The following FAM90A1 variants were observed in gnomAD, a reference collection of about 807,000 sequenced individuals.
FAM90A1 encodes the protein protein FAM90A1.
A neutral mutation model predicts 14.8 loss-of-function variants in FAM90A1; 10 were observed. The observed-to-expected ratio is 0.67, with a 90% CI of 0.42 to 1.14. The LOEUF is 1.14. Ranked by LOEUF, FAM90A1 falls within the 50% of genes most tolerant of loss-of-function variation. The pLI is 0.00. For synonymous variants in FAM90A1, 236 were observed against 248.4 expected (o/e 0.95, Z 0.47); for missense variants, 567 against 602.8 (o/e 0.94, Z 0.62).
At chr12:8,223,967 C>G in intron 5 of FAM90A1, 49 bp downstream of exon 5, 1 of 1,557,454 alleles carries the variant, frequency 6.4e-7, no homozygotes, top group Non-Finnish European at 8.8e-7. Context: ...ACACCATGTC[C>G]TTAGGAGGCA....
rs1423458373 is a variant in FAM90A1, at chr12:8,222,444, G to C, written c.773C>G (p.Ala258Gly). Reference protein sequence around the residue: ...HGLLQAVSPQAQDKRPAVTSQ... With the variant: ...HGLLQAVSPQGQDKRPAVTSQ... ...GGTCACCGCAGGACGTTTGTCTTGTGCCTGGGGGCTGACGGCCTGGAGCAG... is the reference window on the plus strand; with the variant it reads ...GGTCACCGCAGGACGTTTGTCTTGTCCCTGGGGGCTGACGGCCTGGAGCAG... Residue 258 changes from alanine to glycine, a missense_variant, in exon 7 of 7, where the codon GCA (alanine) becomes GGA (glycine). Ala to Gly is a moderately conservative substitution (Grantham distance 60). Transcript: ENST00000538603. The C allele has an allele frequency of 1.3e-6, 2 of 1,597,322 alleles. No homozygotes were observed. The highest frequency in any genetic ancestry group is 1.7e-6 in the Non-Finnish European group (2 of 1,170,448).
rs1175661631 is a variant in FAM90A1, at chr12:8,226,286, A to G, written c.-228T>C. Reference sequence around the variant, plus strand: ...AAAATAGACACCTTTTAATTGGACCATATTTACTCTATCTCGACGTAGGCC... The same window carrying G: ...AAAATAGACACCTTTTAATTGGACCGTATTTACTCTATCTCGACGTAGGCC... On this transcript the variant is annotated 5_prime_UTR_variant, in exon 2 of 7. The change abolishes an upstream ATG in the 5' untranslated region. Transcript: ENST00000538603. 1.3e-5 allele frequency: 2 copies of G among 152,170 alleles called. No homozygotes were observed. The highest frequency in any genetic ancestry group is 3.8e-4 in the East Asian group (2 of 5,200). 9.4% of individuals were successfully genotyped at this position (152,170 alleles called of 1,614,324 possible). A position where few individuals can be genotyped will look rare whatever the true frequency, so the allele number is the denominator to read the frequency against.
chr12:8,224,443 G>A (rs1245500898), intron 4 of FAM90A1, among the ~76,000 whole-genome samples: 1 of 133,188 alleles, frequency 7.5e-6, no homozygotes, highest in Non-Finnish European at 1.8e-5. Context: ...TAAGGGGCAC[G>A]ATGGTGAACC....
rs1051511611 is a variant in FAM90A1, at chr12:8,221,496, C to T, written c.*326G>A. The T allele has an allele frequency of 2.3e-6, 1 of 437,458 alleles. No homozygotes were observed. The highest frequency in any genetic ancestry group is 2.1e-5 in the African/African-American group (1 of 48,768). 27.1% of individuals were successfully genotyped at this position (437,458 alleles called of 1,614,324 possible). On this transcript the variant is annotated 3_prime_UTR_variant, in exon 7 of 7. Transcript: ENST00000538603. ...CTAGAGAGCAAATACACAGTAATTC[C>T]CCCGTTTCCTATTGACGTCCCAGCG...
intron 1 of FAM90A1, 40 bp from the exon 2 acceptor site, chr12:8,226,518 C>G (rs138276452): frequency 6.2e-6 from 1 of 160,772 alleles, no homozygotes; most frequent in African/African-American, 2.4e-5. Context: ...CCGCTTTGTC[C>G]TTCAGTGCCT....
At position 8,222,575 on chromosome 12, in the gene FAM90A1, T is replaced by G. The variant is rs201241224; in HGVS notation, c.642A>C (p.Ala214=). The G allele has an allele frequency of 0.018, 28,700 of 1,609,490 alleles. 265 individuals carry two copies. The highest frequency in any genetic ancestry group is 0.036 in the African/African-American group (2,681 of 74,948). The change falls in exon 7 of 7, where the codon GCA becomes GCC. Residue 214 remains alanine, a synonymous_variant. Coordinates refer to ENST00000538603, the MANE Select transcript of FAM90A1 (RefSeq NM_018088.3). ...GAGGCTCGGGGCCCTGGTGCCTGAC[T>G]GCAGTCTGAGGGATGTCGGCCGCAG... is the stretch of plus-strand genomic sequence containing the variant. ...TGAAADIPQT[A]VRHQGPEPLL...
In FAM90A1 at chr12:8,222,476, G is replaced by T. The variant is rs1249701017; in HGVS notation, c.741C>A (p.Thr247=). ...CREVPQAASK[T]HGLLQAVSPQ... is the part of the protein sequence containing the mutation. Reference sequence around the variant, plus strand: ...GGCTGACGGCCTGGAGCAGGCCGTGGGTTTTGGAGGCAGCCTGGGGAACTT... The same window carrying T: ...GGCTGACGGCCTGGAGCAGGCCGTGTGTTTTGGAGGCAGCCTGGGGAACTT... Residue 247 remains threonine (T), a synonymous_variant, in exon 7 of 7, where the codon ACC becomes ACA. Coordinates refer to ENST00000538603, the MANE Select transcript of FAM90A1 (RefSeq NM_018088.3). 1.2e-6 allele frequency: 2 copies of T among 1,605,940 alleles called. No homozygotes were observed. Among genetic ancestry groups the T allele is most frequent in the Non-Finnish European group, 1.7e-6 (2 of 1,175,252 alleles).
At position 8,222,027 on chromosome 12, in the gene FAM90A1, C is replaced by G; in HGVS notation, c.1190G>C (p.Arg397Pro). 1 of 1,601,850 alleles carries G rather than the reference C, an allele frequency of 6.2e-7. No homozygotes were observed. ...DGAQPLRVLF[R>P]RLENGRWSSS... ...GCTCCAGCGTCCGTTTTCCAGTCTC[C>G]GAAAGAGCACTCTGAGAGGCTGGGC... Residue 397 changes from arginine to proline, a missense_variant, in exon 7 of 7, where the codon CGG becomes CCG. Coordinates refer to ENST00000538603, the MANE Select transcript of FAM90A1 (RefSeq NM_018088.3).
rs145457132 is a variant in FAM90A1 at position 8,224,169 on chromosome 12, G to C, written c.170C>G (p.Thr57Ser). The change falls in exon 5 of 7, where the codon ACC becomes AGC. Residue 57 changes from threonine to serine, a missense_variant. By Grantham distance (58) the Thr-to-Ser change is moderately conservative. Coordinates refer to ENST00000538603, the MANE Select transcript of FAM90A1 (RefSeq NM_018088.3). ...CEAFGHTARSTRCPMKCWKAA... is the reference protein window; with the variant it reads ...CEAFGHTARSSRCPMKCWKAA... ...CTTCCAGCACTTCATGGGGCACCTG[G>C]TACTTCTGGCCGTGTGGCCAAAGGC... is the stretch of plus-strand genomic sequence containing the variant. 86 of 1,612,028 alleles carry C rather than the reference G, an allele frequency of 5.3e-5. No homozygotes were observed. The African/African-American group carries it at 9.5e-4, about 18-fold the overall frequency.
chr12:8,227,571 G>A lies in FAM90A1; in HGVS notation c.-512C>T, dbSNP rs1948968886. The stretch of plus-strand genomic sequence containing the variant: ...TGCACACATCCCTGCAGGTCTCGGG[G>A]CTCCTGGGTTGCTTCTGGAAGGGCC... On this transcript the variant is annotated 5_prime_UTR_variant, in exon 1 of 7. Transcript: ENST00000538603. The A allele has an allele frequency of 1.5e-6, 2 of 1,335,708 alleles. No homozygotes were observed. The highest frequency in any genetic ancestry group is 1.5e-5 in the African/African-American group (1 of 67,320). 82.7% of individuals were successfully genotyped at this position (1,335,708 alleles called of 1,614,324 possible). A position where few individuals can be genotyped will look rare whatever the true frequency, so the allele number is the denominator to read the frequency against.
rs747756416 is a variant in FAM90A1, at chr12:8,222,272, G to A, written c.945C>T (p.Ile315=). The A allele has an allele frequency of 3.0e-5, 49 of 1,611,192 alleles. No homozygotes were observed. Among genetic ancestry groups the A allele is most frequent in the Non-Finnish European group, 3.9e-5 (46 of 1,179,892 alleles). Residue 315 remains isoleucine, a synonymous_variant, in exon 7 of 7, where the codon ATC becomes ATT. Coordinates refer to ENST00000538603, the MANE Select transcript of FAM90A1 (RefSeq NM_018088.3). The part of the protein sequence containing the change: ...PKKPRLGPFQ[I]PESAIQGGEL... The stretch of plus-strand genomic sequence containing the variant: ...CACCTCCCTGGATGGCGCTTTCGGG[G>A]ATCTGGAAGGGACCCAGTCTCGGTT...
Position 8,224,709 on chromosome 12 carries a change from C to G in FAM90A1, c.123+1G>C. The stretch of plus-strand genomic sequence containing the variant: ...CCCAAGAGATCCAGGGCTAGACTTA[C>G]CCTGGGATCTTCTTCATCGGGCGGG... On this transcript the variant is annotated splice_donor_variant, in intron 4 of 6. Coordinates refer to ENST00000538603, the MANE Select transcript of FAM90A1 (RefSeq NM_018088.3). LOFTEE classifies it high-confidence loss of function. 7.9e-7 allele frequency: 1 copy of G among 1,259,758 alleles called. No individual in the cohort carries two copies. The highest frequency in any genetic ancestry group is 1.1e-6 in the Non-Finnish European group (1 of 938,144). The allele number at this position is 1,259,758 out of a possible 1,614,324, so 78.0% of individuals were successfully genotyped here. A position where few individuals can be genotyped will look rare whatever the true frequency, so the allele number is the denominator to read the frequency against.
At position 8,222,425 on chromosome 12, in the gene FAM90A1, C is replaced by G; in HGVS notation, c.792G>C (p.Ala264=). The G allele has an allele frequency of 6.2e-7, 1 of 1,610,508 alleles. No individual in the cohort carries two copies. The highest frequency in any genetic ancestry group is 2.3e-4 in the Middle Eastern group (1 of 4,424). Reference sequence around the variant, plus strand: ...CTGGTGGGCAGGGCTGTGAGGTCACCGCAGGACGTTTGTCTTGTGCCTGGG... The same window carrying G: ...CTGGTGGGCAGGGCTGTGAGGTCACGGCAGGACGTTTGTCTTGTGCCTGGG... ...VSPQAQDKRP[A]VTSQPCPPAA... is the part of the protein sequence containing the mutation. The change falls in exon 7 of 7, where the codon GCG becomes GCC. Residue 264 remains alanine (A), a synonymous_variant. Coordinates refer to ENST00000538603, the MANE Select transcript of FAM90A1 (RefSeq NM_018088.3).
In FAM90A1 at chr12:8,221,823, C is replaced by T. The variant is rs759195005; in HGVS notation, c.1394G>A (p.Ter465=). The T allele has an allele frequency of 3.8e-5, 61 of 1,594,968 alleles. 1 individual carries two copies. The Middle Eastern group carries it at 3.4e-3, about 89-fold the overall frequency. The change falls in exon 7 of 7, where the codon TGA becomes TAA. Residue 465 remains the stop codon, a stop_retained_variant. Transcript: ENST00000538603. The part of the protein sequence containing the change: ...SSEDSDSDLE[*] ...AAGGAGCCCCTGCCACCTGCAGTCT[C>T]ACTCCAGGTCAGAATCGCTGTCCTC...
chr12:8,222,123 T>G lies in FAM90A1; in HGVS notation c.1094A>C (p.His365Pro), dbSNP rs1948837873. 1 of 1,611,840 alleles carries G rather than the reference T, an allele frequency of 6.2e-7. No individual in the cohort carries two copies. The highest frequency in any genetic ancestry group is 1.3e-5 in the African/African-American group (1 of 74,984). ...QVLSGDRQPP[H>P]SRPCLPTAQA... The stretch of plus-strand genomic sequence containing the variant: ...GGCAGTAGGCAGGCAAGGTCTGCTG[T>G]GCGGAGGCTGCCGGTCGCCGCTAAG... The change falls in exon 7 of 7, where the codon CAC becomes CCC. Residue 365 changes from histidine (H) to proline (P), a missense_variant. By Grantham distance (77) the His-to-Pro change is moderately conservative. Coordinates refer to ENST00000538603, the MANE Select transcript of FAM90A1 (RefSeq NM_018088.3).
At chr12:8,224,417 G>A (rs1948895568) in intron 4 of FAM90A1, among the ~76,000 whole-genome samples, 1 of 152,152 alleles carries the variant, frequency 6.6e-6, no homozygotes, top group Non-Finnish European at 1.5e-5. Flanking sequence ...ACTCTAAAAG[G>A]CAGGACTCAA....
chr12:8,225,018 T>C, intron 3 of FAM90A1, 130 bp from the exon 4 acceptor site: 1 of 657,380 alleles, frequency 1.5e-6, no homozygotes, highest in Non-Finnish European at 2.7e-6. Flanking sequence ...CGGTCAAATC[T>C]GTGGAACACA....
In FAM90A1 at chr12:8,227,578, G is replaced by A; in HGVS notation, c.-519C>T. The A allele has an allele frequency of 7.1e-7, 1 of 1,414,318 alleles. No individual in the cohort carries two copies. The highest frequency in any genetic ancestry group is 1.3e-5 in the South Asian group (1 of 78,358). 87.6% of individuals were successfully genotyped at this position (1,414,318 alleles called of 1,614,324 possible). A position where few individuals can be genotyped will look rare whatever the true frequency, so the allele number is the denominator to read the frequency against. ...ATCCCTGCAGGTCTCGGGGCTCCTG[G>A]GTTGCTTCTGGAAGGGCCCGGATGG... On this transcript the variant is annotated 5_prime_UTR_variant, in exon 1 of 7. Coordinates refer to ENST00000538603, the MANE Select transcript of FAM90A1 (RefSeq NM_018088.3).
At chr12:8,227,356 G>A in intron 1 of FAM90A1, 124 bp downstream of exon 1, 1 of 308,516 alleles carries the variant, frequency 3.2e-6, no homozygotes, top group Non-Finnish European at 6.1e-6. Flanking sequence ...GGGCGGCTTG[G>A]AACCTGCGCC....
Sources: allele counts gnomAD v4.1 joint callset (sites outside exome capture counted in the v4.1 genomes callset), GRCh38; gene constraint gnomAD v4.1.1; transcripts MANE v1.5; gene names NCBI Gene and HGNC (gene_info 2026-07-23, HGNC 2026-07-21).